Variants in DSE observed in about 807,000 individuals in gnomAD.
DSE encodes the protein dermatan sulfate epimerase.
Under a neutral mutation model 84.4 loss-of-function variants are expected in DSE, and 36 were observed. The observed-to-expected ratio is 0.43, with a 90% confidence interval of 0.33 to 0.56. The LOEUF is 0.56. Ranked by LOEUF, DSE falls within the 20% of genes least tolerant of loss-of-function variation. The pLI is 0.06. For missense variants in DSE, 862 were observed against 1,169.6 expected (o/e 0.74, Z 3.84); for synonymous variants, 410 against 430.1 (o/e 0.95, Z 0.58).
intron 1 of DSE, among the ~76,000 whole-genome samples, chr6:116,386,133 C>T (rs778636123): frequency 2.6e-5 from 4 of 152,166 alleles, no homozygotes; most frequent in Non-Finnish European, 4.4e-5. Flanking sequence ...TCCTTTGCTT[C>T]AACAGCAACA....
At chr6:116,294,264 C>G (rs2114682843) in intron 2 of DSE, among the ~76,000 whole-genome samples, 1 of 152,266 alleles carries the variant, frequency 6.6e-6, no homozygotes, top group East Asian at 1.9e-4. Context: ...CTCAAGGGAT[C>G]CTTTTGGTTC....
At chr6:116,276,836 G>A (rs749980762) in intron 2 of DSE, 1 of 151,952 alleles carries the variant, frequency 6.6e-6, no homozygotes, top group Non-Finnish European at 1.5e-5. Context: ...AAGCAATTTA[G>A]GAAAAAAGAT....
chr6:116,433,546 C>A lies in DSE; in HGVS notation c.1114C>A (p.Leu372Ile). 6.3e-7 allele frequency: 1 copy of A among 1,586,848 alleles called. No homozygotes were observed. Among genetic ancestry groups the A allele is most frequent in the Non-Finnish European group, 8.6e-7 (1 of 1,164,942 alleles). The stretch of plus-strand genomic sequence containing the variant: ...CTGGTGCACTCTGCACACAGAATTT[C>A]TCTGGTATGACACATTGGGCTAGCT... ...QRWCTLHTEF[L>I]WYDGSLKSVP... Residue 372 changes from leucine to isoleucine, a missense_variant, in exon 5 of 6, where the codon CTC (leucine) becomes ATC (isoleucine). By Grantham distance (5) the Leu-to-Ile change is conservative. Around this residue, in one of 4 missense-constraint regions of DSE, gnomAD observed 309 missense variants for 516.9 expected, o/e 0.60. Transcript: ENST00000644252.
Position 116,440,105 on chromosome 6 carries a change from G to A in DSE, c.*2760G>A, listed in dbSNP as rs1387696676. 1.3e-5 allele frequency: 2 copies of A among 152,076 alleles called. No homozygotes were observed. Among genetic ancestry groups the A allele is most frequent in the Non-Finnish European group, 2.9e-5 (2 of 68,018 alleles). The allele number at this position is 152,076 out of a possible 1,614,324, so 9.4% of individuals were successfully genotyped here. A position where few individuals can be genotyped will look rare whatever the true frequency, so the allele number is the denominator to read the frequency against. On this transcript the variant is annotated 3_prime_UTR_variant, in exon 6 of 6. Coordinates refer to ENST00000644252, the MANE Select transcript of DSE (RefSeq NM_013352.4). ...TCGTCAAAGTCAGGTGGAAGACCGTGTTCTGGAACTATTTTAATTGTTAAA... is the reference window on the plus strand; with the variant it reads ...TCGTCAAAGTCAGGTGGAAGACCGTATTCTGGAACTATTTTAATTGTTAAA...
chr6:116,365,354 C>T (rs1162072010), intron 2 of DSE, among the ~76,000 whole-genome samples: 2 of 152,048 alleles, frequency 1.3e-5, no homozygotes, highest in Admixed American at 6.5e-5. Flanking sequence ...CCTGGGTTCA[C>T]GCCATTCTCC....
chr6:116,407,044 A>T (rs1562289108), intron 2 of DSE, among the ~76,000 whole-genome samples: 1 of 152,170 alleles, frequency 6.6e-6, no homozygotes, highest in Non-Finnish European at 1.5e-5. Context: ...AAGACTGAAA[A>T]TCTACACAGA....
intron 3 of DSE, among the ~76,000 whole-genome samples, chr6:116,428,492 G>A (rs923889597): frequency 6.6e-6 from 1 of 152,156 alleles, no homozygotes; most frequent in Non-Finnish European, 1.5e-5. Flanking sequence ...ATACTGGTTT[G>A]GATTGAATCA....
At chr6:116,276,849 A>G (rs1260603901) in intron 2 of DSE, 1 of 152,210 alleles carries the variant, frequency 6.6e-6, no homozygotes, top group Non-Finnish European at 1.5e-5. Flanking sequence ...AAAAAGATAT[A>G]TCACTTACTA....
Position 116,441,343 on chromosome 6 carries a change from T to C in DSE, c.*3998T>C, listed in dbSNP as rs1389534795. 6.6e-6 allele frequency: 1 copy of C among 152,206 alleles called. No individual in the cohort carries two copies. Among genetic ancestry groups the C allele is most frequent in the African/African-American group, 2.4e-5 (1 of 41,454 alleles). The allele number at this position is 152,206 out of a possible 1,614,324, so 9.4% of individuals were successfully genotyped here. On this transcript the variant is annotated 3_prime_UTR_variant, in exon 6 of 6. Transcript: ENST00000644252. ...TTGAAGTTTTATTTGGCATAAATTA[T>C]GAACATACATGATTGAAAAAGTATA...
chr6:116,358,942 G>T (rs768305505), intron 2 of DSE, among the ~76,000 whole-genome samples: 1 of 152,102 alleles, frequency 6.6e-6, no homozygotes, highest in Non-Finnish European at 1.5e-5. Context: ...CTTAAACTTT[G>T]AAAGTAAACA....
chr6:116,258,903 G>C lies in DSE; in HGVS notation c.-118G>C, dbSNP rs752713945. 3.1e-6 allele frequency: 5 copies of C among 1,592,814 alleles called. No individual in the cohort carries two copies. In the Admixed American group the frequency reaches 8.3e-5, roughly 27 times the overall value. On this transcript the variant is annotated 5_prime_UTR_variant, in exon 2 of 4. Coordinates refer to the DSE transcript ENST00000430252. ...CGTGCATCATCATGGAGTTAGTAAG[G>C]CGCTCCACAATGGGACACTGAGCTT...
chr6:116,395,106 G>A (rs1415279637), intron 1 of DSE, among the ~76,000 whole-genome samples: 1 of 152,262 alleles, frequency 6.6e-6, no homozygotes, highest in Non-Finnish European at 1.5e-5. Context: ...TAGTGTGTGT[G>A]TTTGTGTTTG....
intron 2 of DSE, among the ~76,000 whole-genome samples, chr6:116,419,895 A>C (rs1340794418): frequency 2.0e-5 from 3 of 152,186 alleles, no homozygotes; most frequent in African/African-American, 7.2e-5. Context: ...ATTTTATTGG[A>C]GTTATCCTCC....
chr6:116,263,621 G>A (rs765527033), intron 2 of DSE, among the ~76,000 whole-genome samples: 2 of 152,122 alleles, frequency 1.3e-5, no homozygotes, highest in Non-Finnish European at 2.9e-5. Flanking sequence ...TAGTAATGAC[G>A]TGTGTGGATT....
chr6:116,285,899 T>A (rs2114658234), intron 2 of DSE, among the ~76,000 whole-genome samples: 1 of 152,342 alleles, frequency 6.6e-6, no homozygotes, highest in Non-Finnish European at 1.5e-5. Context: ...TTGGTACCAG[T>A]ACCATGCTGT....
intron 2 of DSE, among the ~76,000 whole-genome samples, chr6:116,410,764 AAAG>A (rs1554224279): frequency 7.1e-6 from 1 of 139,878 alleles, no homozygotes; most frequent in African/African-American, 2.7e-5. Context: ...AAAAAAAAAA[AAAG>A]AAGAAGAAGA....
At chr6:116,367,648 C>CT (rs955674803), upstream of DSE, among the ~76,000 whole-genome samples, 63 of 151,992 alleles carry the variant, frequency 4.1e-4, no homozygotes, top group South Asian at 1.5e-3. Context: ...AACTAATTCC[C>CT]TTTTTTTTGT....
chr6:116,324,843 A>T (rs765576918), intron 2 of DSE, among the ~76,000 whole-genome samples: 4 of 152,130 alleles, frequency 2.6e-5, no homozygotes, highest in Non-Finnish European at 5.9e-5. Context: ...CCTTTTGGGG[A>T]TGCATGCAGT....
intron 1 of DSE, among the ~76,000 whole-genome samples, chr6:116,373,613 TC>T (rs1456560979): frequency 6.6e-5 from 10 of 152,206 alleles, no homozygotes; most frequent in African/African-American, 1.9e-4. Context: ...CTAATACAGT[TC>T]CTTTCAATGA....
Sources: allele counts gnomAD v4.1 joint callset (sites outside exome capture counted in the v4.1 genomes callset), GRCh38; gene constraint gnomAD v4.1.1; regional missense constraint gnomAD v4.1.1; transcripts MANE v1.5; gene names NCBI Gene and HGNC (gene_info 2026-07-23, HGNC 2026-07-21).